Variants in PLXNA4 observed in about 807,000 individuals in gnomAD.
PLXNA4 encodes the protein plexin A4, also known as plexin-A4.
Under a neutral mutation model 191.8 loss-of-function variants are expected in PLXNA4, and 44 were observed. The observed-to-expected ratio is 0.23, with a 90% CI of 0.18 to 0.29. PLXNA4 has a LOEUF of 0.29. Among genes scored for constraint, PLXNA4 ranks in the 10% least tolerant of loss-of-function variants. The pLI, the probability that PLXNA4 is intolerant of heterozygous loss-of-function variation, is 1.00. For missense variants in PLXNA4, 1,800 were observed against 2,488.8 expected, an observed-to-expected ratio of 0.72 and a Z score of 5.89; for synonymous variants, 1,082 against 1,009.5, an observed-to-expected ratio of 1.07 and a Z score of -1.36.
intron 3 of PLXNA4, among the ~76,000 whole-genome samples, chr7:132,309,740 A>T (rs1801657332): frequency 6.6e-6 from 1 of 152,146 alleles, no homozygotes; most frequent in Non-Finnish European, 1.5e-5. Context: ...TGGAGGCCCA[A>T]AGAAAACAGA....
chr7:132,461,255 T>TTTA, intron 3 of PLXNA4, among the ~76,000 whole-genome samples: 1 of 152,214 alleles, frequency 6.6e-6, no homozygotes, highest in Admixed American at 6.5e-5. Flanking sequence ...CCTCTTCCTC[T>TTTA]GATCCAGAGG....
intron 21 of PLXNA4, among the ~76,000 whole-genome samples, chr7:132,173,356 G>A (rs1044553946): frequency 5.9e-5 from 9 of 151,566 alleles, no homozygotes; most frequent in African/African-American, 1.7e-4. Context: ...ATTTATGCAC[G>A]GGCTACATCT....
intron 1 of PLXNA4, among the ~76,000 whole-genome samples, chr7:132,563,054 C>T (rs1399606011): frequency 1.9e-5 from 2 of 104,628 alleles, no homozygotes; most frequent in Non-Finnish European, 4.0e-5. Context: ...TCTTTCTCTG[C>T]CTCCTTCTCC....
At chr7:132,521,578 C>T (rs552171308) in intron 1 of PLXNA4, among the ~76,000 whole-genome samples, 1 of 152,138 alleles carries the variant, frequency 6.6e-6, no homozygotes, top group Non-Finnish European at 1.5e-5. Flanking sequence ...AATTAACTAA[C>T]ACATCCTCAT....
Position 132,451,815 on chromosome 7 carries a change from C to A in PLXNA4, c.1371+37477G>T, listed in dbSNP as rs552456043. On this transcript the variant is annotated intron_variant, in intron 3 of 31. Coordinates refer to ENST00000321063, the MANE Select transcript of PLXNA4 (RefSeq NM_020911.2). ...CCCAGTGGCCCAGGAGTGATTGGCACAGGGATGGGATGGGGCTGTGTGGGA... is the reference window on the plus strand; with the variant it reads ...CCCAGTGGCCCAGGAGTGATTGGCAAAGGGATGGGATGGGGCTGTGTGGGA... 4.5e-4 allele frequency among the ~76,000 whole-genome samples: 69 copies of A among 152,346 alleles called. 1 individual carries two copies. The highest frequency in any genetic ancestry group is 1.6e-3 in the African/African-American group (65 of 41,592).
At chr7:132,275,267 T>C (rs74661122) in intron 4 of PLXNA4, among the ~76,000 whole-genome samples, 1,828 of 152,308 alleles carry the variant, frequency 0.012, 30 homozygotes, top group African/African-American at 0.041. Context: ...GTTGTAAAGA[T>C]AGTAAAGAGA....
chr7:132,479,935 G>A (rs1360359258), intron 3 of PLXNA4, among the ~76,000 whole-genome samples: 2 of 152,164 alleles, frequency 1.3e-5, no homozygotes, highest in Admixed American at 1.3e-4. Flanking sequence ...TGAGATTACA[G>A]GCATGAGCCA....
chr7:132,136,087 G>C (rs1338329257), intron 30 of PLXNA4, among the ~76,000 whole-genome samples: 1 of 152,074 alleles, frequency 6.6e-6, no homozygotes, highest in Non-Finnish European at 1.5e-5. Context: ...GGGCTTTGTT[G>C]ATGCTGTCTT....
intron 1 of PLXNA4, among the ~76,000 whole-genome samples, chr7:132,511,556 C>G (rs946973716): frequency 6.6e-6 from 1 of 152,226 alleles, no homozygotes; most frequent in East Asian, 1.9e-4. Flanking sequence ...TAACACCGAT[C>G]AGGTGAGTTC....
At chr7:132,542,159 A>C (rs2116510774) in intron 1 of PLXNA4, among the ~76,000 whole-genome samples, 1 of 152,324 alleles carries the variant, frequency 6.6e-6, no homozygotes, top group South Asian at 2.1e-4. Flanking sequence ...AAGAAATAAT[A>C]CATGACTGGT....
chr7:132,267,473 C>G (rs932619902), intron 4 of PLXNA4, among the ~76,000 whole-genome samples: 1 of 152,158 alleles, frequency 6.6e-6, no homozygotes, highest in East Asian at 1.9e-4. Flanking sequence ...TATCTTCCAG[C>G]TAATCATGAG....
intron 2 of PLXNA4, among the ~76,000 whole-genome samples, chr7:132,635,084 G>A (rs1244174833): frequency 6.6e-6 from 1 of 151,480 alleles, no homozygotes; most frequent in Non-Finnish European, 1.5e-5. Flanking sequence ...TTTGGGACTT[G>A]GACTGGCTCT....
intron 20 of PLXNA4, among the ~76,000 whole-genome samples, chr7:132,177,719 C>T (rs1312430031): frequency 6.6e-6 from 1 of 152,140 alleles, no homozygotes; most frequent in Non-Finnish European, 1.5e-5. Context: ...GCCTGCCACA[C>T]ATAAAAGAGA....
chr7:132,641,917 A>T (rs1223151691), intron 2 of PLXNA4, among the ~76,000 whole-genome samples: 1 of 152,210 alleles, frequency 6.6e-6, no homozygotes, highest in Non-Finnish European at 1.5e-5. Context: ...ATAAGATAGC[A>T]TTTAAAAGTG....
chr7:132,171,744 C>T (rs1796293569), intron 21 of PLXNA4, among the ~76,000 whole-genome samples: 1 of 152,140 alleles, frequency 6.6e-6, no homozygotes. Context: ...TATTCAGCAG[C>T]ATGGGTCTTA....
rs140657533 is a variant in PLXNA4 at position 132,294,957 on chromosome 7, T to C, written c.1503+3134A>G. 6.9e-3 allele frequency among the ~76,000 whole-genome samples: 1,053 copies of C among 152,272 alleles called. 12 individuals carry two copies. Among genetic ancestry groups the C allele is most frequent in the African/African-American group, 0.024 (1,000 of 41,554 alleles). On this transcript the variant is annotated intron_variant, in intron 4 of 31. Coordinates refer to ENST00000321063, the MANE Select transcript of PLXNA4 (RefSeq NM_020911.2). ...ACACTGTGATCCTGGACTTCCAACA[T>C]CCAAAGCTATGAGAAAACAAATTTC...
intron 2 of PLXNA4, among the ~76,000 whole-genome samples, chr7:132,621,608 A>C (rs897821907): frequency 6.6e-6 from 1 of 152,124 alleles, no homozygotes; most frequent in African/African-American, 2.4e-5. Flanking sequence ...TTTGAGGCCC[A>C]CCATATACAT....
intron 1 of PLXNA4, among the ~76,000 whole-genome samples, chr7:132,525,642 G>A (rs1433333326): frequency 6.6e-6 from 1 of 152,216 alleles, no homozygotes; most frequent in East Asian, 1.9e-4. Flanking sequence ...AGAAAGGGAA[G>A]ACCTAGAGAA....
chr7:132,148,018 T>A lies in PLXNA4; in HGVS notation c.4765-19A>T. 6.2e-7 allele frequency: 1 copy of A among 1,614,122 alleles called. No individual in the cohort carries two copies. Among genetic ancestry groups the A allele is most frequent in the Non-Finnish European group, 8.5e-7 (1 of 1,180,008 alleles). Reference sequence around the variant, plus strand: ...CTGGCACCTACAGGGAAAAAGCTTCTCAGGGCCTAGGCACAGCAGCTCTGC... The same window carrying A: ...CTGGCACCTACAGGGAAAAAGCTTCACAGGGCCTAGGCACAGCAGCTCTGC... On this transcript the variant is annotated intron_variant, in intron 26 of 31. Transcript: ENST00000321063.
Sources: allele counts gnomAD v4.1 joint callset (sites outside exome capture counted in the v4.1 genomes callset), GRCh38; gene constraint gnomAD v4.1.1; transcripts MANE v1.5; gene names NCBI Gene and HGNC (gene_info 2026-07-23, HGNC 2026-07-21).